The following NXF1 variants were observed in gnomAD, a reference collection of about 807,000 sequenced individuals.
NXF1 encodes nuclear RNA export factor 1.
NXF1 carries 43 observed loss-of-function variants against 92.4 expected under a neutral mutation model. That is an observed-to-expected ratio of 0.47 (90% CI 0.36 to 0.60). NXF1 has a LOEUF of 0.60. NXF1 is among the 20% of genes least tolerant of loss of function. The pLI, the probability that NXF1 is intolerant of heterozygous loss-of-function variation, is 0.00. For synonymous variants in NXF1, 288 were observed against 292.2 expected (o/e 0.99, Z 0.15); for missense variants, 576 against 793.0 (o/e 0.73, Z 3.29).
At position 62,801,164 on chromosome 11, in the gene NXF1, C is replaced by T. The variant is rs1239433080; in HGVS notation, c.836G>A (p.Arg279Lys). 1.2e-6 allele frequency: 2 copies of T among 1,614,084 alleles called. No individual in the cohort carries two copies. Among genetic ancestry groups the T allele is most frequent in the Non-Finnish European group, 1.7e-6 (2 of 1,180,038 alleles). Residue 279 changes from arginine (R) to lysine (K), a missense_variant, in exon 9 of 21, where the codon AGG becomes AAG. Coordinates refer to ENST00000294172, the MANE Select transcript of NXF1 (RefSeq NM_006362.5). ...AACAATGCTAGACATGTCATCCAGCCTGTACAGCCTGTTGTTGCTCAAGTT... is the reference window on the plus strand; with the variant it reads ...AACAATGCTAGACATGTCATCCAGCTTGTACAGCCTGTTGTTGCTCAAGTT... Reference protein sequence around the residue: ...SLNLSNNRLYRLDDMSSIVQK... With the variant: ...SLNLSNNRLYKLDDMSSIVQK...
Position 62,805,374 on chromosome 11 carries a change from G to C in NXF1, c.-18C>G, listed in dbSNP as rs111401731. ...TCCGCCATGCCACAGCGAAGATCAAGGGCGGGCTCAGGCGCTGGCCGCTAC... is the reference window on the plus strand; with the variant it reads ...TCCGCCATGCCACAGCGAAGATCAACGGCGGGCTCAGGCGCTGGCCGCTAC... On this transcript the variant is annotated 5_prime_UTR_variant, in exon 1 of 21. Coordinates refer to ENST00000294172, the MANE Select transcript of NXF1 (RefSeq NM_006362.5). The C allele has an allele frequency of 6.5e-4, 1,055 of 1,611,070 alleles. 5 individuals are homozygous for C. The African/African-American group carries it at 0.013, about 20-fold the overall frequency.
chr11:62,797,253 G>A lies in NXF1; in HGVS notation c.1123-15C>T. On this transcript the variant is annotated splice_polypyrimidine_tract_variant and intron_variant, in intron 12 of 20. Transcript: ENST00000294172. ...AAATAGCTTCCCTGAAATCAAACAGGTATTAGGAACATGGAAGCAGTATTC... is the reference window on the plus strand; with the variant it reads ...AAATAGCTTCCCTGAAATCAAACAGATATTAGGAACATGGAAGCAGTATTC... 6.2e-7 allele frequency: 1 copy of A among 1,614,086 alleles called. No homozygotes were observed. Among genetic ancestry groups the A allele is most frequent in the Non-Finnish European group, 8.5e-7 (1 of 1,179,966 alleles).
rs1459662520 is a variant in NXF1 at position 62,800,106 on chromosome 11, G to A, written c.1016+271C>T. 6 of 1,316,172 alleles carry A rather than the reference G, an allele frequency of 4.6e-6. No homozygotes were observed. The African/African-American group carries it at 6.0e-5, about 13-fold the overall frequency. The allele number at this position is 1,316,172 out of a possible 1,614,324, so 81.5% of individuals were successfully genotyped here. On this transcript the variant is annotated intron_variant, in intron 10 of 20. Coordinates refer to ENST00000294172, the MANE Select transcript of NXF1 (RefSeq NM_006362.5). ...TGCCTTTCCTGGAACAACAGGGTAG[G>A]GAGATTCTAGAAAAGGTTGTGTTCA...
chr11:62,801,048 C>T (rs766044262), intron 9 of NXF1, 46 bp downstream of exon 9: 37 of 1,421,306 alleles, frequency 2.6e-5, no homozygotes, highest in Admixed American at 1.7e-4. Flanking sequence ...CTCTCTACAC[C>T]CTCTACCCAC....
In NXF1 at chr11:62,803,411, G is replaced by A. The variant is rs776462307; in HGVS notation, c.369+8C>T. The stretch of plus-strand genomic sequence containing the variant: ...CTACTGTACCATCTACTTTCTCAAA[G>A]TACTCACTGTAATCTTGAACCAGTT... On this transcript the variant is annotated splice_region_variant and intron_variant, in intron 3 of 20. Transcript: ENST00000294172. 7 of 1,613,022 alleles carry A rather than the reference G, an allele frequency of 4.3e-6. No homozygotes were observed. The East Asian group carries it at 6.7e-5, about 15-fold the overall frequency.
In NXF1 at chr11:62,792,716, C is replaced by T. The variant is rs1256709397; in HGVS notation, c.1761-15G>A. ...CCTGAAGGCACCTGGAGTGGAAGAA[C>T]AGGCAGCTCTGTAAGAACTCTGACT... is the stretch of plus-strand genomic sequence containing the variant. On this transcript the variant is annotated splice_polypyrimidine_tract_variant and intron_variant, in intron 19 of 20. Transcript: ENST00000294172. 1 of 1,614,038 alleles carries T rather than the reference C, an allele frequency of 6.2e-7. No individual in the cohort carries two copies. Among genetic ancestry groups the T allele is most frequent in the Admixed American group, 1.7e-5 (1 of 59,990 alleles).
At position 62,803,580 on chromosome 11, in the gene NXF1, T is replaced by A. The variant is rs368425962; in HGVS notation, c.216-8A>T. On this transcript the variant is annotated splice_polypyrimidine_tract_variant and splice_region_variant and intron_variant, in intron 2 of 20. Transcript: ENST00000294172. ...CGGGTGGTATAGGGGTTGCTGTGGG[T>A]AAGCAGAGAATAAAATGACCACAAA... The A allele has an allele frequency of 9.3e-6, 15 of 1,613,852 alleles. No individual in the cohort carries two copies. The African/African-American group carries it at 1.9e-4, about 20-fold the overall frequency.
intron 1 of NXF1, 137 bp from the exon 2 acceptor site, chr11:62,804,115 TC>T: frequency 1.3e-6 from 2 of 1,563,608 alleles, no homozygotes; most frequent in Non-Finnish European, 1.7e-6. Context: ...CAAACTCCGC[TC>T]CCTATCCACA....
At chr11:62,795,999 C>T (rs539009567) in intron 16 of NXF1, 56 bp from the exon 17 acceptor site, 2 of 1,609,544 alleles carry the variant, frequency 1.2e-6, no homozygotes, top group Non-Finnish European at 1.7e-6. Context: ...TGAGTGCCCC[C>T]CCTTGCCTAT....
intron 15 of NXF1, 30 bp downstream of exon 15, chr11:62,796,257 T>C (rs2084419276): frequency 6.2e-7 from 1 of 1,613,784 alleles, no homozygotes; most frequent in Non-Finnish European, 8.5e-7. Flanking sequence ...CATGCCCTTT[T>C]CCCATATTTT....
intron 17 of NXF1, 189 bp from the exon 18 acceptor site, chr11:62,795,196 G>A: frequency 1.8e-6 from 1 of 561,450 alleles, no homozygotes; most frequent in South Asian, 2.3e-5. Context: ...TAATAACTAC[G>A]GCCGGGCACA....
intron 10 of NXF1, chr11:62,799,962 G>T: frequency 1.0e-6 from 1 of 999,910 alleles, no homozygotes; most frequent in Non-Finnish European, 1.2e-6. Context: ...GCCCATCTCA[G>T]TAGGAAGTCC....
At chr11:62,802,309 T>G in intron 3 of NXF1, 49 bp from the exon 4 acceptor site, 1 of 1,496,806 alleles carries the variant, frequency 6.7e-7, no homozygotes. Context: ...TAAGGCTGAA[T>G]AGCAGACCCA....
At chr11:62,797,806 G>A (rs779265214) in intron 11 of NXF1, among the ~76,000 whole-genome samples, 7 of 151,952 alleles carry the variant, frequency 4.6e-5, no homozygotes, top group African/African-American at 7.3e-5. Flanking sequence ...AGGGTCAGAA[G>A]TCAAGTGTAA....
chr11:62,801,796 A>G lies in NXF1; in HGVS notation c.582T>C (p.Ser194=). The G allele has an allele frequency of 1.2e-6, 2 of 1,613,914 alleles. No homozygotes were observed. The highest frequency in any genetic ancestry group is 1.1e-5 in the South Asian group (1 of 91,074). ...NRRISIIINS[S]APPHTILNEL... is the part of the protein sequence containing the mutation. ...CATTCAGTATAGTGTGGGGTGGAGC[A>G]GAAGAGTTGATGATGATAGATATCT... The change falls in exon 6 of 21, where the codon TCT becomes TCC. Residue 194 remains serine (S), a synonymous_variant. Coordinates refer to ENST00000294172, the MANE Select transcript of NXF1 (RefSeq NM_006362.5).
rs1346062008 is a variant in NXF1 at position 62,794,961 on chromosome 11, G to C, written c.1551C>G (p.Phe517Leu). 4 of 1,614,180 alleles carry C rather than the reference G, an allele frequency of 2.5e-6. No homozygotes were observed. The highest frequency in any genetic ancestry group is 2.2e-5 in the East Asian group (1 of 44,892). ...RDSLRAFTRT[F>L]IAVPASNSGL... ...CTGAATTGCTAGCAGGAACAGCAAT[G>C]AATGTCCGGGTGAAGGCTCGCAAAG... The change falls in exon 18 of 21, where the codon TTC becomes TTG. Residue 517 changes from phenylalanine (F) to leucine (L), a missense_variant. This residue lies in a region of NXF1 where 425 missense variants were observed against 635.2 expected (regional missense o/e 0.67). Transcript: ENST00000294172.
rs371766905 is a variant in NXF1 at position 62,795,038 on chromosome 11, G to A, written c.1505-31C>T. On this transcript the variant is annotated intron_variant, in intron 17 of 20. Coordinates refer to ENST00000294172, the MANE Select transcript of NXF1 (RefSeq NM_006362.5). ...ATAAGAACAGCAACAACACCTTAGG[G>A]TCACTAGTGCTTTATGTTTACAAAC... The A allele has an allele frequency of 3.8e-6, 6 of 1,597,950 alleles. No individual in the cohort carries two copies. The Admixed American group carries it at 5.0e-5, about 13-fold the overall frequency.
intron 3 of NXF1, 66 bp from the exon 4 acceptor site, chr11:62,802,326 T>C: frequency 7.5e-7 from 1 of 1,332,040 alleles, no homozygotes; most frequent in Non-Finnish European, 1.1e-6. Context: ...CCCAATACAA[T>C]GCCTTTTATA....
rs1292068787 is a variant in NXF1, at chr11:62,794,325, G to A, written c.1693C>T (p.Pro565Ser). Residue 565 changes from proline (P) to serine (S), a missense_variant, in exon 19 of 21, where the codon CCA (proline) becomes TCA (serine). This residue lies in a region of NXF1 where 425 missense variants were observed against 635.2 expected (regional missense o/e 0.67). Coordinates refer to ENST00000294172, the MANE Select transcript of NXF1 (RefSeq NM_006362.5). ...GCTTGCAACATTTCCTGCTGCTCTG[G>A]AGAGAGGGTGGGCACCGGGCTGGAG... ...PSSSPVPTLS[P>S]EQQEMLQAFS... 1.2e-6 allele frequency: 2 copies of A among 1,614,180 alleles called. No homozygotes were observed. The highest frequency in any genetic ancestry group is 8.5e-7 in the Non-Finnish European group (1 of 1,180,032).
Sources: allele counts gnomAD v4.1 joint callset (sites outside exome capture counted in the v4.1 genomes callset), GRCh38; gene constraint gnomAD v4.1.1; regional missense constraint gnomAD v4.1.1; transcripts MANE v1.5; gene names NCBI Gene and HGNC (gene_info 2026-07-23, HGNC 2026-07-21).